Variants in RORA observed in about 807,000 individuals in gnomAD.
RORA encodes the protein nuclear receptor ROR-alpha.
RORA carries 7 observed loss-of-function variants against 69.5 expected under a neutral mutation model. The observed-to-expected ratio is 0.10, with a 90% confidence interval of 0.06 to 0.19. RORA has a LOEUF of 0.19. RORA is among the 10% of genes least tolerant of loss of function. RORA has a pLI of 1.00. For missense variants in RORA, 457 were observed against 663.0 expected, an observed-to-expected ratio of 0.69 and a Z score of 3.41; for synonymous variants, 261 against 240.8, an observed-to-expected ratio of 1.08 and a Z score of -0.78.
intron 1 of RORA, among the ~76,000 whole-genome samples, chr15:61,084,787 A>G (rs1316186697): frequency 6.7e-6 from 1 of 150,174 alleles, no homozygotes; most frequent in Non-Finnish European, 1.5e-5. Flanking sequence ...AACCTATACC[A>G]CCTATTCAAA....
At chr15:60,585,076 G>A (rs2068293884) in intron 2 of RORA, among the ~76,000 whole-genome samples, 2 of 151,376 alleles carry the variant, frequency 1.3e-5, no homozygotes, top group Non-Finnish European at 2.9e-5. Context: ...GGTTATTCTA[G>A]CTCAGATCAG....
At chr15:60,577,644 C>CAA (rs34467661) in intron 2 of RORA, among the ~76,000 whole-genome samples, 3 of 104,772 alleles carry the variant, frequency 2.9e-5, no homozygotes, top group Admixed American at 9.9e-5. Context: ...ACTCTGTTTC[C>CAA]AAAAAAAAAA....
At chr15:61,225,116 T>C (rs114533800) in intron 1 of RORA, among the ~76,000 whole-genome samples, 4,657 of 152,278 alleles carry the variant, frequency 0.031, 240 homozygotes, top group African/African-American at 0.11. Flanking sequence ...ATCATAACTA[T>C]CATCAAATGC....
intron 2 of RORA, chr15:60,630,375 G>A (rs2069707799): frequency 6.6e-6 from 1 of 152,166 alleles, no homozygotes; most frequent in Admixed American, 6.5e-5. Flanking sequence ...AGAGTGGTGT[G>A]TCTTGTCTTT....
intron 1 of RORA, among the ~76,000 whole-genome samples, chr15:60,748,853 T>C (rs767980376): frequency 3.9e-5 from 6 of 152,198 alleles, no homozygotes; most frequent in Non-Finnish European, 8.8e-5. Flanking sequence ...GTTTGTATTC[T>C]AGAATATTTT....
intron 1 of RORA, among the ~76,000 whole-genome samples, chr15:60,865,243 G>C (rs1264016950): frequency 6.6e-6 from 1 of 152,142 alleles, no homozygotes; most frequent in Non-Finnish European, 1.5e-5. Context: ...CCTGAAACCT[G>C]GCTCTTTACT....
At chr15:60,667,314 T>C (rs2070395226) in intron 2 of RORA, among the ~76,000 whole-genome samples, 1 of 152,242 alleles carries the variant, frequency 6.6e-6, no homozygotes, top group Non-Finnish European at 1.5e-5. Context: ...AGAAAAATAT[T>C]TCAAGCTGAA....
rs1385083375 is a variant in RORA at position 60,665,009 on chromosome 15, A to G, written c.196+13648T>C. Among the ~76,000 whole-genome samples, 3 of 152,358 alleles carry G rather than the reference A, an allele frequency of 2.0e-5. No individual in the cohort carries two copies. The East Asian group carries it at 5.8e-4, about 29-fold the overall frequency. ...TGTGCAGCCACTGATGAGGTGGACA[A>G]TAGTTTTGAAATTATTGGTTCCTGC... On this transcript the variant is annotated intron_variant, in intron 2 of 10. Coordinates refer to ENST00000335670, the MANE Select transcript of RORA (RefSeq NM_134261.3).
At chr15:60,946,273 C>T (rs889089812) in intron 1 of RORA, among the ~76,000 whole-genome samples, 2 of 152,020 alleles carry the variant, frequency 1.3e-5, no homozygotes, top group Admixed American at 6.5e-5. Flanking sequence ...CTTCTCCCCA[C>T]GGTCTCCCTC....
In RORA at chr15:60,525,760, A is replaced by T. The variant is rs116224295; in HGVS notation, c.282+6006T>A. Reference sequence around the variant, plus strand: ...ACCTTTCATTTTACGTCTGAGACTAAGAAAAGTAGAGATGAGAAAAGCAGA... The same window carrying T: ...ACCTTTCATTTTACGTCTGAGACTATGAAAAGTAGAGATGAGAAAAGCAGA... On this transcript the variant is annotated intron_variant, in intron 3 of 10. Transcript: ENST00000335670. 4.8e-3 allele frequency among the ~76,000 whole-genome samples: 732 copies of T among 152,318 alleles called. 3 individuals are homozygous for T. The highest frequency in any genetic ancestry group is 0.017 in the African/African-American group (690 of 41,554).
chr15:60,954,406 AC>A (rs1893205192), intron 1 of RORA, among the ~76,000 whole-genome samples: 1 of 150,652 alleles, frequency 6.6e-6, no homozygotes, highest in South Asian at 2.1e-4. Flanking sequence ...ACTAACCTGC[AC>A]AATGTGCACA....
In RORA at chr15:60,819,343, C is replaced by T. The variant is rs79800973; in HGVS notation, c.167-140657G>A. Among the ~76,000 whole-genome samples the T allele has an allele frequency of 2.5e-3, 376 of 152,252 alleles. 1 individual carries two copies. Among genetic ancestry groups the T allele is most frequent in the African/African-American group, 8.6e-3 (356 of 41,552 alleles). ...AAATAACACTATACAGACACACATC[C>T]GCTATGGAATTAGTCAAGGCTTCGA... On this transcript the variant is annotated intron_variant, in intron 1 of 10. Transcript: ENST00000335670.
intron 1 of RORA, among the ~76,000 whole-genome samples, chr15:61,208,283 A>T (rs530700558): frequency 6.6e-6 from 1 of 152,358 alleles, no homozygotes; most frequent in Non-Finnish European, 1.5e-5. Flanking sequence ...CACAATGCTA[A>T]GTGAAAGGAG....
chr15:61,165,627 T>A (rs2079534378), intron 1 of RORA, among the ~76,000 whole-genome samples: 1 of 152,172 alleles, frequency 6.6e-6, no homozygotes, highest in Non-Finnish European at 1.5e-5. Context: ...TCCCCAAGGA[T>A]GGGGAACCTG....
chr15:60,561,082 G>GGT (rs2067535676), intron 2 of RORA, among the ~76,000 whole-genome samples: 1 of 122,052 alleles, frequency 8.2e-6, no homozygotes, highest in African/African-American at 3.1e-5. Flanking sequence ...TTTTGTTTTT[G>GGT]TTTTTTTTTT....
intron 2 of RORA, among the ~76,000 whole-genome samples, chr15:60,625,960 T>C (rs1433047177): frequency 6.6e-6 from 1 of 152,214 alleles, no homozygotes; most frequent in African/African-American, 2.4e-5. Flanking sequence ...AATATGAGCT[T>C]TGTAACATTT....
At chr15:60,742,500 T>C (rs539607581) in intron 1 of RORA, among the ~76,000 whole-genome samples, 65 of 152,364 alleles carry the variant, frequency 4.3e-4, no homozygotes, top group African/African-American at 1.5e-3. Context: ...TGATGAGAAT[T>C]CTTAAAATTT....
chr15:60,528,530 A>G (rs1341185761), intron 3 of RORA: 2 of 152,254 alleles, frequency 1.3e-5, no homozygotes, highest in African/African-American at 2.4e-5. Context: ...CAGTGCTTAC[A>G]TAGTGCTTGG....
chr15:60,610,742 GA>G (rs928477522), intron 2 of RORA, among the ~76,000 whole-genome samples: 20 of 151,316 alleles, frequency 1.3e-4, no homozygotes, highest in African/African-American at 4.4e-4. Flanking sequence ...GAGAGAGAAG[GA>G]AAAAAAACCC....
Sources: gnomAD v4.1 joint callset for allele counts (sites outside exome capture counted in the v4.1 genomes callset) on GRCh38, gnomAD v4.1.1 for gene constraint, MANE v1.5 for transcripts, NCBI Gene and HGNC (gene_info 2026-07-23, HGNC 2026-07-21) for gene names.